The following RBFOX1 variants were observed in gnomAD, a reference collection of about 807,000 sequenced individuals.
RBFOX1 encodes RNA binding fox-1 homolog 1.
A neutral mutation model predicts 57.7 loss-of-function variants in RBFOX1; 8 were observed. That is an observed-to-expected ratio of 0.14 (90% CI 0.08 to 0.25). The LOEUF (loss-of-function observed/expected upper bound fraction) is 0.25, where lower values mean the gene tolerates loss of function less well. Among genes scored for constraint, RBFOX1 ranks in the 10% least tolerant of loss-of-function variants. The pLI, the probability that RBFOX1 is intolerant of heterozygous loss-of-function variation, is 1.00. For synonymous variants in RBFOX1, 326 were observed against 222.4 expected, an observed-to-expected ratio of 1.47 and a Z score of -4.15; for missense variants, 611 against 548.5, an observed-to-expected ratio of 1.11 and a Z score of -1.14.
chr16:6,999,216 A>ATTTTTTTTTTTTTTTTTTT (rs374767232), intron 3 of RBFOX1, among the ~76,000 whole-genome samples: 2 of 109,034 alleles, frequency 1.8e-5, no homozygotes, highest in African/African-American at 3.4e-5. Flanking sequence ...ATTTTTATTT[A>ATTTTTTTTTTTTTTTTTTT]TTTTTTTTAT....
At chr16:5,738,459 C>T (rs922179914) in intron 3 of RBFOX1, among the ~76,000 whole-genome samples, 3 of 151,614 alleles carry the variant, frequency 2.0e-5, no homozygotes, top group African/African-American at 7.3e-5. Flanking sequence ...TGGTGAAACC[C>T]TGTCTCTGCT....
At chr16:5,578,539 G>A (rs1446395026) in intron 2 of RBFOX1, among the ~76,000 whole-genome samples, 1 of 152,096 alleles carries the variant, frequency 6.6e-6, no homozygotes, top group Admixed American at 6.5e-5. Context: ...TTCAAAACAC[G>A]AAAAACCACT....
chr16:7,110,278 C>T (rs575980728), intron 4 of RBFOX1, among the ~76,000 whole-genome samples: 7 of 151,914 alleles, frequency 4.6e-5, no homozygotes, highest in South Asian at 4.2e-4. Context: ...GAAGGATCCC[C>T]GGAACCTAGG....
At chr16:5,740,378 C>T (rs958252991) in intron 3 of RBFOX1, among the ~76,000 whole-genome samples, 3 of 152,268 alleles carry the variant, frequency 2.0e-5, no homozygotes, top group Middle Eastern at 3.4e-3. Context: ...GGCCACAGTC[C>T]CAGCAACAGT....
chr16:5,703,974 C>A (rs142567208), intron 3 of RBFOX1, among the ~76,000 whole-genome samples: 104 of 152,202 alleles, frequency 6.8e-4, no homozygotes, highest in Non-Finnish European at 1.2e-3. Flanking sequence ...GGTTAAGCCC[C>A]CTCAAATCGT....
rs869221577 is a variant in RBFOX1 at position 5,999,867 on chromosome 16, C to CAA, written c.351+132571_351+132572dup. Among the ~76,000 whole-genome samples, 22 of 27,664 alleles carry CAA rather than the reference C, an allele frequency of 8.0e-4. 5 individuals carry two copies. Among genetic ancestry groups the CAA allele is most frequent in the Non-Finnish European group, 1.2e-3 (18 of 15,610 alleles). 18.1% of individuals were successfully genotyped at this position (27,664 alleles called of 152,430 possible). A position where few individuals can be genotyped will look rare whatever the true frequency, so the allele number is the denominator to read the frequency against. ...TGGGCGACAGAGCGAGACTCCACCTCAAAAAAAAAAAAAAAAAAAAAAAAA... is the reference window on the plus strand; with the variant it reads ...TGGGCGACAGAGCGAGACTCCACCTCAAAAAAAAAAAAAAAAAAAAAAAAAAA... On this transcript the variant is annotated intron_variant, in intron 4 of 19. Coordinates refer to the RBFOX1 transcript ENST00000641259.
intron 3 of RBFOX1, among the ~76,000 whole-genome samples, chr16:5,788,035 AT>A (rs2054565130): frequency 6.6e-6 from 1 of 152,172 alleles, no homozygotes; most frequent in South Asian, 2.1e-4. Context: ...CACCTATAGA[AT>A]GGGGTAAATA....
chr16:6,383,440 G>C (rs941456168), intron 2 of RBFOX1, among the ~76,000 whole-genome samples: 2 of 152,124 alleles, frequency 1.3e-5, no homozygotes, highest in African/African-American at 4.8e-5. Flanking sequence ...CCTTGGGTCA[G>C]GACAAGTCCA....
Position 6,741,306 on chromosome 16 carries a change from G to A in RBFOX1, c.-16+86656G>A, listed in dbSNP as rs183171506. ...CAATCCTATAGGAAAAATATCTTTC[G>A]AACTTAGAGCTCGGTGACATGCCAC... On this transcript the variant is annotated intron_variant, in intron 3 of 15. Transcript: ENST00000550418. 2.0e-4 allele frequency among the ~76,000 whole-genome samples: 30 copies of A among 151,950 alleles called. 1 individual carries two copies. The East Asian group carries it at 4.6e-3, about 23-fold the overall frequency.
chr16:5,927,768 G>A lies in RBFOX1; in HGVS notation c.351+60433G>A, dbSNP rs185365826. On this transcript the variant is annotated intron_variant, in intron 4 of 19. Transcript: ENST00000641259. The stretch of plus-strand genomic sequence containing the variant: ...ACATGATGGAATACTATTCAGCCTT[G>A]AAAAAGAAGGAATTTCTGTTATTTG... Among the ~76,000 whole-genome samples, 1,100 of 152,270 alleles carry A rather than the reference G, an allele frequency of 7.2e-3. 7 individuals carry two copies. The highest frequency in any genetic ancestry group is 8.2e-3 in the Non-Finnish European group (559 of 68,026).
At chr16:6,191,675 G>A (rs966792720) in intron 1 of RBFOX1, among the ~76,000 whole-genome samples, 2 of 152,134 alleles carry the variant, frequency 1.3e-5, no homozygotes, top group Non-Finnish European at 2.9e-5. Context: ...GGCAATTTCT[G>A]TTGCCTTTTT....
At chr16:5,414,666 T>C (rs1174520438) in intron 1 of RBFOX1, among the ~76,000 whole-genome samples, 1 of 152,170 alleles carries the variant, frequency 6.6e-6, no homozygotes, top group Non-Finnish European at 1.5e-5. Context: ...GATTCAATTT[T>C]ATAGTGTCTC....
At chr16:6,479,349 A>T (rs2095333296) in intron 2 of RBFOX1, among the ~76,000 whole-genome samples, 1 of 152,168 alleles carries the variant, frequency 6.6e-6, no homozygotes, top group African/African-American at 2.4e-5. Flanking sequence ...AGATCTCAGG[A>T]CGCTGAGGCA....
At chr16:6,858,873 C>G (rs1034866540) in intron 3 of RBFOX1, among the ~76,000 whole-genome samples, 2 of 151,796 alleles carry the variant, frequency 1.3e-5, no homozygotes, top group Non-Finnish European at 2.9e-5. Flanking sequence ...GTAGCTATTT[C>G]TGAAGCTCAG....
chr16:5,464,821 A>T (rs1054655342), intron 1 of RBFOX1, among the ~76,000 whole-genome samples: 1 of 152,028 alleles, frequency 6.6e-6, no homozygotes, highest in African/African-American at 2.4e-5. Context: ...TGTGAAGGGG[A>T]GGCATGATGG....
chr16:5,353,339 C>G (rs1372208734), intron 1 of RBFOX1, among the ~76,000 whole-genome samples: 3 of 150,252 alleles, frequency 2.0e-5, no homozygotes, highest in East Asian at 2.0e-4. Context: ...GATCATGCCA[C>G]TGCACTCCAG....
At chr16:7,056,413 T>G (rs1180662808) in intron 4 of RBFOX1, among the ~76,000 whole-genome samples, 1 of 152,190 alleles carries the variant, frequency 6.6e-6, no homozygotes, top group Non-Finnish European at 1.5e-5. Flanking sequence ...GAGCTCACTA[T>G]GGAATCTGTG....
chr16:5,480,529 G>A (rs938059185), intron 2 of RBFOX1, among the ~76,000 whole-genome samples: 2 of 152,148 alleles, frequency 1.3e-5, no homozygotes, highest in African/African-American at 4.8e-5. Flanking sequence ...AATTCAAATG[G>A]TATAGAAAGA....
intron 1 of RBFOX1, among the ~76,000 whole-genome samples, chr16:6,242,629 AACACACACACACACAC>A (rs57154832): frequency 7.1e-6 from 1 of 141,516 alleles, no homozygotes. Context: ...ATTTATTGCA[AACACACACACACACAC>A]ACACACACAC....
Sources: gnomAD v4.1 joint callset for allele counts (sites outside exome capture counted in the v4.1 genomes callset) on GRCh38, gnomAD v4.1.1 for gene constraint, MANE v1.5 for transcripts, NCBI Gene and HGNC (gene_info 2026-07-23, HGNC 2026-07-21) for gene names.